The following SUN1 variants were observed in gnomAD, a reference collection of about 807,000 sequenced individuals.
The protein encoded by SUN1 is Sad1 and UNC84 domain containing 1.
Under a neutral mutation model 103.2 loss-of-function variants are expected in SUN1, and 61 were observed. The observed-to-expected ratio is 0.59, with a 90% CI of 0.48 to 0.73. The LOEUF (loss-of-function observed/expected upper bound fraction) is 0.73, where lower values mean the gene tolerates loss of function less well. Ranked by LOEUF, SUN1 falls within the 30% of genes least tolerant of loss-of-function variation. The pLI is 0.00. For synonymous variants in SUN1, 490 were observed against 425.7 expected, an observed-to-expected ratio of 1.15 and a Z score of -1.86; for missense variants, 1,052 against 1,034.6, an observed-to-expected ratio of 1.02 and a Z score of -0.23.
intron 5 of SUN1, 184 bp downstream of exon 5, chr7:843,704 G>C (rs528290771): frequency 7.0e-7 from 1 of 1,437,318 alleles, no homozygotes; most frequent in East Asian, 2.6e-5. Context: ...ATTTTATGTG[G>C]TTAGTAATTT....
In SUN1 at chr7:853,772, A is replaced by G. The variant is rs1485374785; in HGVS notation, c.1263+154A>G. On this transcript the variant is annotated intron_variant, in intron 10 of 18. Coordinates refer to ENST00000401592, the MANE Select transcript of SUN1 (RefSeq NM_001130965.3). ...TTAGTTGTTGAGAGCAGTGTGCCGG[A>G]GAGGGAGTGGGTTTCCCGTCGTCTG... Among the ~76,000 whole-genome samples, 8 of 152,250 alleles carry G rather than the reference A, an allele frequency of 5.3e-5. No individual in the cohort carries two copies. The East Asian group carries it at 1.5e-3, about 29-fold the overall frequency.
intron 1 of SUN1, among the ~76,000 whole-genome samples, chr7:823,925 A>C (rs1456162221): frequency 2.0e-5 from 3 of 152,266 alleles, no homozygotes; most frequent in African/African-American, 7.2e-5. Context: ...ACCAACTGGA[A>C]TTACAGATGG....
At chr7:817,432 G>A (rs768025058) in intron 1 of SUN1, 14 of 1,535,888 alleles carry the variant, frequency 9.1e-6, no homozygotes, top group Non-Finnish European at 1.0e-5. Context: ...GCAGCGGCGG[G>A]GAACACCTTG....
intron 5 of SUN1, among the ~76,000 whole-genome samples, chr7:848,179 C>T (rs888080669): frequency 7.9e-6 from 1 of 126,940 alleles, no homozygotes. Flanking sequence ...TCTGCAGCAC[C>T]CTCTCCGGGA....
intron 15 of SUN1, 34 bp downstream of exon 15, chr7:861,498 A>G (rs1832191923): frequency 1.2e-6 from 2 of 1,609,442 alleles, no homozygotes; most frequent in African/African-American, 1.3e-5. Context: ...ACTAAGTTAG[A>G]TGATCACCTG....
intron 1 of SUN1, among the ~76,000 whole-genome samples, chr7:819,228 T>A (rs1783770658): frequency 6.6e-6 from 1 of 151,886 alleles, no homozygotes; most frequent in Non-Finnish European, 1.5e-5. Flanking sequence ...AATTCTTTAT[T>A]CTGTATACTA....
chr7:827,383 C>T (rs1793199741), intron 1 of SUN1, among the ~76,000 whole-genome samples: 1 of 151,516 alleles, frequency 6.6e-6, no homozygotes, highest in African/African-American at 2.4e-5. Flanking sequence ...CAACCATGTT[C>T]TCTGGATTAT....
chr7:849,301 C>T (rs1470809653), intron 5 of SUN1, among the ~76,000 whole-genome samples: 1 of 152,238 alleles, frequency 6.6e-6, no homozygotes, highest in Admixed American at 6.5e-5. Flanking sequence ...GGGCCACACA[C>T]ACGATTCAGC....
intron 1 of SUN1, chr7:817,235 C>G (rs1781514638): frequency 1.6e-6 from 1 of 628,782 alleles, no homozygotes. Context: ...GCTCGGATCA[C>G]AGGCGTGAGC....
At chr7:865,187 T>A (rs750690259) in intron 15 of SUN1, among the ~76,000 whole-genome samples, 3 of 152,104 alleles carry the variant, frequency 2.0e-5, no homozygotes, top group Non-Finnish European at 4.4e-5. Flanking sequence ...AGTGACGTGA[T>A]CTCGGCTCAC....
At chr7:817,439 C>T (rs748305805) in intron 1 of SUN1, 7 of 1,536,074 alleles carry the variant, frequency 4.6e-6, no homozygotes, top group South Asian at 2.4e-5. Context: ...CGGGGAACAC[C>T]TTGCCACTGT....
At chr7:862,945 A>G (rs1668464707) in intron 15 of SUN1, among the ~76,000 whole-genome samples, 1 of 152,108 alleles carries the variant, frequency 6.6e-6, no homozygotes, top group African/African-American at 2.4e-5. Flanking sequence ...AGGTCAGGAG[A>G]TCCTGGCTGA....
At chr7:870,683 GTGT>G (rs1840879268) in intron 17 of SUN1, among the ~76,000 whole-genome samples, 1 of 146,742 alleles carries the variant, frequency 6.8e-6, no homozygotes, top group Non-Finnish European at 1.5e-5. Context: ...TCAATCCCCC[GTGT>G]TTATCTGGCC....
intron 5 of SUN1, chr7:849,811 G>T: frequency 8.2e-7 from 1 of 1,215,802 alleles, no homozygotes. Flanking sequence ...TGACTGTCTC[G>T]TGTGTAATTG....
chr7:873,763 GAAA>G lies in SUN1; in HGVS notation c.*435_*437del, dbSNP rs751622557. ...AAATCCAACACACATTTCTTTCAGG[GAAA>G]AACAATGTCACCAAATTTTCAGAGT... On this transcript the variant is annotated 3_prime_UTR_variant, in exon 19 of 19. Coordinates refer to ENST00000401592, the MANE Select transcript of SUN1 (RefSeq NM_001130965.3). 1.0e-4 allele frequency: 16 copies of G among 155,398 alleles called. No individual in the cohort carries two copies. Among genetic ancestry groups the G allele is most frequent in the Non-Finnish European group, 2.0e-4 (14 of 69,982 alleles). 9.6% of individuals were successfully genotyped at this position (155,398 alleles called of 1,614,324 possible).
upstream of SUN1, among the ~76,000 whole-genome samples, chr7:827,533 A>G (rs1457530460): frequency 1.4e-5 from 2 of 144,626 alleles, no homozygotes; most frequent in Non-Finnish European, 3.0e-5. Flanking sequence ...GCAGTGGCGC[A>G]ATCTCGGCTC....
intron 1 of SUN1, among the ~76,000 whole-genome samples, chr7:823,206 A>C (rs1490289164): frequency 6.6e-6 from 1 of 152,236 alleles, no homozygotes; most frequent in African/African-American, 2.4e-5. Flanking sequence ...AAGGTGAATG[A>C]GGCACAGTTC....
Position 838,961 on chromosome 7 carries a change from G to C in SUN1, c.241G>C (p.Val81Leu), listed in dbSNP as rs536171212. Residue 81 changes from valine to leucine, a missense_variant, in exon 2 of 19, where the codon GTC becomes CTC. Physicochemically the swap from Val to Leu is conservative, Grantham distance 32. Coordinates refer to ENST00000401592, the MANE Select transcript of SUN1 (RefSeq NM_001130965.3). ...VGADSGTSSA[V>L]SLKNRAARTT... ...TGCCGACAGCGGCACCAGCAGCGCT[G>C]TCTCCCTGAAGAACCGAGCGGCCAG... 1 of 1,602,086 alleles carries C rather than the reference G, an allele frequency of 6.2e-7. No homozygotes were observed. The highest frequency in any genetic ancestry group is 8.5e-7 in the Non-Finnish European group (1 of 1,175,410).
In SUN1 at chr7:854,004, G is replaced by A. The variant is rs865868841; in HGVS notation, c.1263+386G>A. 7.9e-5 allele frequency among the ~76,000 whole-genome samples: 12 copies of A among 152,232 alleles called. No individual in the cohort carries two copies. The Middle Eastern group carries it at 0.01, about 129-fold the overall frequency. On this transcript the variant is annotated intron_variant, in intron 10 of 18. Coordinates refer to ENST00000401592, the MANE Select transcript of SUN1 (RefSeq NM_001130965.3). ...GAGATGGACACAAACCGTCTCGTGT[G>A]GGTCCCAGACGCACTTCTCGGAGGC...
Sources: allele counts gnomAD v4.1 joint callset (sites outside exome capture counted in the v4.1 genomes callset), GRCh38; gene constraint gnomAD v4.1.1; transcripts MANE v1.5; gene names NCBI Gene and HGNC (gene_info 2026-07-23, HGNC 2026-07-21).